Variants in ZNF695 observed in about 807,000 individuals in gnomAD.
ZNF695 encodes the protein zinc finger protein SBZF3.
ZNF695 carries 11 observed loss-of-function variants against 11.2 expected under a neutral mutation model. The ratio of observed to expected loss-of-function variants is 0.98; its 90% CI spans 0.62 to 1.62. The LOEUF (loss-of-function observed/expected upper bound fraction) is 1.62, where lower values mean the gene tolerates loss of function less well. Among genes scored for constraint, ZNF695 ranks in the 40% most tolerant of loss-of-function variants. The pLI, the probability that ZNF695 is intolerant of heterozygous loss-of-function variation, is 0.00. For synonymous variants in ZNF695, 190 were observed against 201.4 expected, an observed-to-expected ratio of 0.94 and a Z score of 0.48; for missense variants, 559 against 590.5, an observed-to-expected ratio of 0.95 and a Z score of 0.55.
downstream of ZNF695, among the ~76,000 whole-genome samples, chr1:246,983,108 G>A (rs1470746811): frequency 6.6e-6 from 1 of 151,872 alleles, no homozygotes; most frequent in African/African-American, 2.4e-5. Flanking sequence ...GGAGGCTGAG[G>A]CAGAAGAATG....
At chr1:246,970,486 G>A (rs1158096052) in intron 4 of ZNF695, among the ~76,000 whole-genome samples, 1 of 152,200 alleles carries the variant, frequency 6.6e-6, no homozygotes, top group Non-Finnish European at 1.5e-5. Context: ...GCAGAGTATT[G>A]AAGAGGAAGA....
rs765266009 is a variant in ZNF695 at position 246,986,552 on chromosome 1, G to C, written c.*415C>G. ...TGTGTTTTGATGTAATTTTTGATTA[G>C]ACATTTTTTCACATTTACTGCATCT... On this transcript the variant is annotated 3_prime_UTR_variant, in exon 4 of 4. Coordinates refer to ENST00000339986, the MANE Select transcript of ZNF695 (RefSeq NM_020394.5). The C allele has an allele frequency of 1.1e-5, 11 of 992,100 alleles. No homozygotes were observed. The highest frequency in any genetic ancestry group is 1.2e-5 in the Non-Finnish European group (10 of 834,528). 61.5% of individuals were successfully genotyped at this position (992,100 alleles called of 1,614,324 possible).
downstream of ZNF695, among the ~76,000 whole-genome samples, chr1:246,983,203 CAAAA>C (rs765876016): frequency 2.1e-5 from 2 of 95,742 alleles, no homozygotes; most frequent in Non-Finnish European, 4.4e-5. Flanking sequence ...GACTCTGTCT[CAAAA>C]AAAAAAAAAA....
intron 4 of ZNF695, among the ~76,000 whole-genome samples, chr1:246,976,566 G>A (rs183730061): frequency 0.01 from 1,568 of 151,744 alleles, 29 homozygotes; most frequent in African/African-American, 0.034. Flanking sequence ...AGGCCAAGGC[G>A]GGCAGATCAC....
intron 5 of ZNF695, among the ~76,000 whole-genome samples, chr1:246,961,022 A>AT (rs752526510): frequency 2.6e-4 from 40 of 152,216 alleles, no homozygotes; most frequent in Admixed American, 3.3e-4. Flanking sequence ...TTCAATTATC[A>AT]TTTAAAACAT....
At position 246,958,033 on chromosome 1, in the gene ZNF695, G is replaced by GT. The variant is rs201128859; in HGVS notation, c.488+9661dup. Among the ~76,000 whole-genome samples, 1,451 of 150,930 alleles carry GT rather than the reference G, an allele frequency of 9.6e-3. 33 individuals carry two copies. The highest frequency in any genetic ancestry group is 0.034 in the African/African-American group (1,379 of 41,016). On this transcript the variant is annotated intron_variant, in intron 5 of 5. Transcript: ENST00000487338. Reference sequence around the variant, plus strand: ...CTCTTTGAATCTAGGCAGGGACTTGGTTTTTGTTTTGTTTTGTTTTGTTTT... The same window carrying GT: ...CTCTTTGAATCTAGGCAGGGACTTGGTTTTTTGTTTTGTTTTGTTTTGTTTT...
intron 5 of ZNF695, among the ~76,000 whole-genome samples, chr1:246,954,242 A>G (rs1667936622): frequency 1.3e-5 from 2 of 152,330 alleles, no homozygotes; most frequent in South Asian, 4.1e-4. Flanking sequence ...AACGGCACTA[A>G]CAACTGTTAA....
intron 5 of ZNF695, among the ~76,000 whole-genome samples, chr1:246,952,952 C>T (rs929710089): frequency 1.3e-5 from 2 of 151,962 alleles, no homozygotes; most frequent in South Asian, 2.1e-4. Flanking sequence ...GAAATTATTG[C>T]CAGTCTCAGC....
At chr1:247,005,490 G>A (rs755426065) in intron 1 of ZNF695, among the ~76,000 whole-genome samples, 4 of 152,000 alleles carry the variant, frequency 2.6e-5, no homozygotes, top group South Asian at 2.1e-4. Flanking sequence ...CCAGGAGTTC[G>A]AGACCAGCCT....
At chr1:247,007,880 C>A in intron 1 of ZNF695, 26 bp downstream of exon 1, 1 of 1,543,802 alleles carries the variant, frequency 6.5e-7, no homozygotes, top group Non-Finnish European at 8.8e-7. Context: ...TCTCCCTTCT[C>A]GGGACACCCT....
downstream of ZNF695, among the ~76,000 whole-genome samples, chr1:246,980,417 CTT>C (rs34908832): frequency 2.1e-3 from 263 of 127,346 alleles, no homozygotes; most frequent in African/African-American, 5.0e-3. Context: ...CCCCCTGCCA[CTT>C]TTTTTTTTTT....
intron 5 of ZNF695, among the ~76,000 whole-genome samples, chr1:246,963,101 T>G (rs1375132581): frequency 6.6e-6 from 1 of 152,212 alleles, no homozygotes; most frequent in Non-Finnish European, 1.5e-5. Flanking sequence ...TCATCTAATG[T>G]CCATTTCCGA....
At chr1:246,947,708 T>C (rs1667774027) in intron 5 of ZNF695, among the ~76,000 whole-genome samples, 2 of 152,220 alleles carry the variant, frequency 1.3e-5, no homozygotes, top group Non-Finnish European at 2.9e-5. Context: ...GATAATTCTA[T>C]CCATAATGGG....
At chr1:246,948,667 G>A (rs968147807) in intron 5 of ZNF695, among the ~76,000 whole-genome samples, 1 of 152,186 alleles carries the variant, frequency 6.6e-6, no homozygotes, top group Non-Finnish European at 1.5e-5. Context: ...AAAGTGTCTG[G>A]CACGATGTGT....
chr1:246,995,901 A>G (rs1669193154), intron 3 of ZNF695: 1 of 332,732 alleles, frequency 3.0e-6, no homozygotes, highest in African/African-American at 2.3e-5. Flanking sequence ...TCAATGAAAC[A>G]GAATAGAAAA....
chr1:247,003,407 A>G (rs578098407), intron 1 of ZNF695, among the ~76,000 whole-genome samples: 8 of 152,346 alleles, frequency 5.3e-5, no homozygotes, highest in African/African-American at 1.9e-4. Context: ...TTGAGTAAAC[A>G]TGGACACAAA....
chr1:246,970,269 T>A (rs78570033), intron 4 of ZNF695, among the ~76,000 whole-genome samples: 1,557 of 152,230 alleles, frequency 0.01, 24 homozygotes, highest in African/African-American at 0.035. Flanking sequence ...ACGAAACAAC[T>A]GTATTCAAAT....
At chr1:246,998,163 T>C (rs895631392) in intron 3 of ZNF695, among the ~76,000 whole-genome samples, 1 of 152,190 alleles carries the variant, frequency 6.6e-6, no homozygotes, top group Admixed American at 6.5e-5. Flanking sequence ...TTTATTTGTG[T>C]AAAAGAATCC....
chr1:246,970,329 G>A (rs1366436375), intron 4 of ZNF695, among the ~76,000 whole-genome samples: 1 of 151,352 alleles, frequency 6.6e-6, no homozygotes, highest in African/African-American at 2.4e-5. Flanking sequence ...GAGGGAAACA[G>A]AGGTGAGCCC....
Sources: gnomAD v4.1 joint callset for allele counts (sites outside exome capture counted in the v4.1 genomes callset) on GRCh38, gnomAD v4.1.1 for gene constraint, MANE v1.5 for transcripts, NCBI Gene and HGNC (gene_info 2026-07-23, HGNC 2026-07-21) for gene names.